The following SLC25A33 variants were observed in gnomAD, a reference collection of about 807,000 sequenced individuals.
The protein encoded by SLC25A33 is solute carrier family 25 member 33.
Under a neutral mutation model 35.5 loss-of-function variants are expected in SLC25A33, and 15 were observed. The observed-to-expected ratio is 0.42, with a 90% CI of 0.28 to 0.65. The LOEUF is 0.65. Among genes scored for constraint, SLC25A33 ranks in the 30% least tolerant of loss-of-function variants. SLC25A33 has a pLI of 0.20. For synonymous variants in SLC25A33, 136 were observed against 148.7 expected (o/e 0.91, Z 0.62); for missense variants, 257 against 398.5 (o/e 0.64, Z 3.02).
In SLC25A33 at chr1:9,580,072, A is replaced by G. The variant is rs779687403; in HGVS notation, c.601A>G (p.Ile201Val). Residue 201 changes from isoleucine (I) to valine (V), a missense_variant, in exon 6 of 7, where the codon ATA (isoleucine) becomes GTA (valine). Transcript: ENST00000302692. ...CTCGTATGCTGGAATTTCCGAAACT[A>G]TAATCTGCTTTGCTATTTATGAAAG... ...TASYAGISET[I>V]ICFAIYESLK... is the part of the protein sequence containing the mutation. The G allele has an allele frequency of 5.0e-6, 8 of 1,613,046 alleles. No homozygotes were observed. The highest frequency in any genetic ancestry group is 1.1e-5 in the South Asian group (1 of 91,036).
chr1:9,580,874 T>A (rs562410008), intron 6 of SLC25A33, among the ~76,000 whole-genome samples: 3,683 of 143,460 alleles, frequency 0.026, 64 homozygotes, highest in South Asian at 0.031. Context: ...AAAATAATAA[T>A]AATAATAATA....
chr1:9,571,172 T>C (rs116050382), intron 4 of SLC25A33, among the ~76,000 whole-genome samples: 3,160 of 152,300 alleles, frequency 0.021, 107 homozygotes, highest in African/African-American at 0.071. Flanking sequence ...TGACAGCTCA[T>C]AGGGCATCTG....
chr1:9,549,206 C>T (rs1643224306), intron 1 of SLC25A33, among the ~76,000 whole-genome samples: 1 of 152,114 alleles, frequency 6.6e-6, no homozygotes, highest in African/African-American at 2.4e-5. Flanking sequence ...CTAGCGGTCC[C>T]ATTGGCTTGA....
At chr1:9,541,318 T>TAA (rs1643077678) in intron 1 of SLC25A33, among the ~76,000 whole-genome samples, 1 of 152,068 alleles carries the variant, frequency 6.6e-6, no homozygotes, top group African/African-American at 2.4e-5. Context: ...TACGCCCAGC[T>TAA]TTTTGTATTT....
At chr1:9,575,159 G>A (rs998952866) in intron 5 of SLC25A33, among the ~76,000 whole-genome samples, 10 of 142,724 alleles carry the variant, frequency 7.0e-5, no homozygotes, top group Non-Finnish European at 1.0e-4. Flanking sequence ...CTTGCAGTGC[G>A]CCAAGATCGT....
rs774275161 is a variant in SLC25A33 at position 9,579,922 on chromosome 1, C to CTTAA, written c.483-31_483-28dup. 4.5e-5 allele frequency: 72 copies of CTTAA among 1,595,124 alleles called. No homozygotes were observed. In the African/African-American group the frequency reaches 8.2e-4, roughly 18 times the overall value. On this transcript the variant is annotated intron_variant, in intron 5 of 6. Coordinates refer to ENST00000302692, the MANE Select transcript of SLC25A33 (RefSeq NM_032315.3). ...TCTGTGTTCCACCATGATATGTCTCCTTAACAGCCTGTGTTGGTCTCTTTT... is the reference window on the plus strand; with the variant it reads ...TCTGTGTTCCACCATGATATGTCTCCTTAATTAACAGCCTGTGTTGGTCTCTTTT...
intron 2 of SLC25A33, among the ~76,000 whole-genome samples, chr1:9,563,005 A>C (rs1428773411): frequency 2.1e-5 from 3 of 142,396 alleles, no homozygotes; most frequent in Non-Finnish European, 3.0e-5. Context: ...TGCAAGCTCC[A>C]CCTCCTGGGT....
At chr1:9,549,388 G>C (rs1217013819) in intron 1 of SLC25A33, among the ~76,000 whole-genome samples, 2 of 126,148 alleles carry the variant, frequency 1.6e-5, no homozygotes, top group Non-Finnish European at 3.3e-5. Flanking sequence ...TGGGATCAAT[G>C]GGGGAGATGA....
chr1:9,572,603 A>G (rs1318515928), intron 4 of SLC25A33, among the ~76,000 whole-genome samples: 4 of 152,116 alleles, frequency 2.6e-5, no homozygotes, highest in Non-Finnish European at 2.9e-5. Context: ...GCGACAGAGC[A>G]AGACTCCCAT....
At chr1:9,566,721 C>T (rs950443854) in intron 2 of SLC25A33, among the ~76,000 whole-genome samples, 1 of 152,164 alleles carries the variant, frequency 6.6e-6, no homozygotes, top group Non-Finnish European at 1.5e-5. Flanking sequence ...TGGTGCATGC[C>T]TTTAATCCCA....
At chr1:9,569,586 A>C (rs1643560440) in intron 3 of SLC25A33, among the ~76,000 whole-genome samples, 1 of 151,798 alleles carries the variant, frequency 6.6e-6, no homozygotes, top group African/African-American at 2.4e-5. Flanking sequence ...AAACTGCAAA[A>C]TATATTCTAT....
At chr1:9,547,851 AT>A (rs765785859) in intron 1 of SLC25A33, among the ~76,000 whole-genome samples, 4 of 136,408 alleles carry the variant, frequency 2.9e-5, no homozygotes, top group Non-Finnish European at 6.4e-5. Flanking sequence ...TTTTGTTTTG[AT>A]TTTGTTTTTG....
At chr1:9,557,706 T>C (rs185773752) in intron 2 of SLC25A33, among the ~76,000 whole-genome samples, 1 of 152,330 alleles carries the variant, frequency 6.6e-6, no homozygotes, top group Admixed American at 6.5e-5. Context: ...TACTTATCAT[T>C]GTAAAAATGT....
chr1:9,571,333 G>A (rs112800155), intron 4 of SLC25A33, among the ~76,000 whole-genome samples: 224 of 152,160 alleles, frequency 1.5e-3, no homozygotes, highest in African/African-American at 5.1e-3. Context: ...TCACTCTGTC[G>A]CCCAGGCTGG....
rs2100400613 is a variant in SLC25A33 at position 9,568,363 on chromosome 1, C to T, written c.314+1002C>T. ...GGCTGAGGCAGGAGAATTGCTTGAA[C>T]CCAGTGGGAGGCAGAGGTTGCAGTG... On this transcript the variant is annotated intron_variant, in intron 3 of 6. Coordinates refer to ENST00000302692, the MANE Select transcript of SLC25A33 (RefSeq NM_032315.3). Among the ~76,000 whole-genome samples the T allele has an allele frequency of 2.0e-5, 3 of 152,270 alleles. No individual in the cohort carries two copies. The Middle Eastern group carries it at 0.01, about 518-fold the overall frequency.
chr1:9,571,761 C>T (rs912736910), intron 4 of SLC25A33, among the ~76,000 whole-genome samples: 2 of 152,130 alleles, frequency 1.3e-5, no homozygotes, highest in Non-Finnish European at 2.9e-5. Context: ...GCCTCAGCCT[C>T]CTGAGTAGCT....
intron 2 of SLC25A33, 42 bp downstream of exon 2, chr1:9,553,847 T>A: frequency 6.4e-7 from 1 of 1,564,538 alleles, no homozygotes; most frequent in Non-Finnish European, 8.7e-7. Context: ...GCACACCCTG[T>A]ACCGCCACTG....
chr1:9,542,873 T>C (rs1286976782), intron 1 of SLC25A33, among the ~76,000 whole-genome samples: 2 of 152,210 alleles, frequency 1.3e-5, no homozygotes, highest in Non-Finnish European at 2.9e-5. Context: ...AGTGCAGTGG[T>C]GCAATCTCTG....
chr1:9,542,977 C>T (rs908355236), intron 1 of SLC25A33, among the ~76,000 whole-genome samples: 1 of 151,832 alleles, frequency 6.6e-6, no homozygotes, highest in Non-Finnish European at 1.5e-5. Flanking sequence ...GCCACCATGC[C>T]CGGCTAATTT....
Sources: gnomAD v4.1 joint callset for allele counts (sites outside exome capture counted in the v4.1 genomes callset) on GRCh38, gnomAD v4.1.1 for gene constraint, MANE v1.5 for transcripts, NCBI Gene and HGNC (gene_info 2026-07-23, HGNC 2026-07-21) for gene names.